ST3GAL3: variants seen among roughly 807,000 people sequenced by gnomAD.
ST3GAL3 encodes the protein CMP-N-acetylneuraminate-beta-1,4-galactoside alpha-2,3-sialyltransferase.
ST3GAL3 carries 21 observed loss-of-function variants against 50.1 expected under a neutral mutation model. The observed-to-expected ratio is 0.42, with a 90% confidence interval of 0.30 to 0.60. ST3GAL3 has a LOEUF of 0.60. ST3GAL3 is among the 20% of genes least tolerant of loss of function. The pLI is 0.19. For missense variants in ST3GAL3, 353 were observed against 489.4 expected (o/e 0.72, Z 2.63); for synonymous variants, 183 against 190.0 (o/e 0.96, Z 0.30).
At chr1:43,894,826 G>C (rs928845740) in intron 6 of ST3GAL3, among the ~76,000 whole-genome samples, 1 of 151,818 alleles carries the variant, frequency 6.6e-6, no homozygotes, top group African/African-American at 2.4e-5. Context: ...GTAGAGACAG[G>C]GTTTTACCAT....
At chr1:43,769,037 A>G (rs2154130283) in intron 2 of ST3GAL3, among the ~76,000 whole-genome samples, 1 of 152,366 alleles carries the variant, frequency 6.6e-6, no homozygotes, top group East Asian at 1.9e-4. Context: ...TATAAAAAAG[A>G]TAATAGATCA....
chr1:43,730,724 C>T (rs549330766), intron 1 of ST3GAL3, among the ~76,000 whole-genome samples: 3 of 152,026 alleles, frequency 2.0e-5, no homozygotes, highest in Non-Finnish European at 2.9e-5. Context: ...GCCCATGCCA[C>T]CATGCCTGGC....
chr1:43,902,615 G>A (rs2078477720), intron 9 of ST3GAL3, among the ~76,000 whole-genome samples: 1 of 152,224 alleles, frequency 6.6e-6, no homozygotes, highest in African/African-American at 2.4e-5. Flanking sequence ...CCGTGGCCAA[G>A]CCAGCAAGCA....
chr1:43,859,737 G>A (rs3011227), intron 5 of ST3GAL3, among the ~76,000 whole-genome samples: 122,434 of 152,130 alleles, frequency 0.8, 50,457 homozygotes, highest in East Asian at 0.91. Context: ...GCATGTGCTT[G>A]AGGCCTGAGC....
At chr1:43,765,982 TGCTTGAAGAAAGAA>T (rs1692795822) in intron 2 of ST3GAL3, among the ~76,000 whole-genome samples, 1 of 152,104 alleles carries the variant, frequency 6.6e-6, no homozygotes, top group Non-Finnish European at 1.5e-5. Context: ...AGCTTCTCTG[TGCTTGAAGAAAGAA>T]GCTTGAAGAG....
chr1:43,904,308 A>C (rs995149979), intron 9 of ST3GAL3, among the ~76,000 whole-genome samples: 1 of 152,110 alleles, frequency 6.6e-6, no homozygotes, highest in African/African-American at 2.4e-5. Context: ...TTCAAGCCTG[A>C]GAGGGATGCA....
intron 5 of ST3GAL3, chr1:43,841,105 C>T (rs1013442631): frequency 9.8e-5 from 15 of 152,310 alleles, no homozygotes; most frequent in African/African-American, 3.6e-4. Context: ...CAGCTCCGCC[C>T]CTGTGGCTTT....
chr1:43,757,786 A>C (rs1688668905), intron 2 of ST3GAL3, among the ~76,000 whole-genome samples: 1 of 152,220 alleles, frequency 6.6e-6, no homozygotes, highest in Non-Finnish European at 1.5e-5. Flanking sequence ...ATTGAACTTT[A>C]TCAAAAGTAA....
At chr1:43,777,730 T>C (rs1422196641) in intron 2 of ST3GAL3, among the ~76,000 whole-genome samples, 2 of 152,180 alleles carry the variant, frequency 1.3e-5, no homozygotes, top group Admixed American at 1.3e-4. Flanking sequence ...CCAAAAGCAA[T>C]TGCAACAAAA....
At chr1:43,832,922 G>A (rs556171421) in intron 4 of ST3GAL3, among the ~76,000 whole-genome samples, 2 of 152,232 alleles carry the variant, frequency 1.3e-5, no homozygotes, top group Admixed American at 6.5e-5. Flanking sequence ...TCATCTGCAC[G>A]CTCATGCATG....
In ST3GAL3 at chr1:43,737,020, T is replaced by C. The variant is rs141468032; in HGVS notation, c.118+640T>C. 7.9e-4 allele frequency: 136 copies of C among 172,406 alleles called. No homozygotes were observed. Among genetic ancestry groups the C allele is most frequent in the African/African-American group, 3.2e-3 (133 of 41,516 alleles). The allele number at this position is 172,406 out of a possible 1,614,324, so 10.7% of individuals were successfully genotyped here. A position where few individuals can be genotyped will look rare whatever the true frequency, so the allele number is the denominator to read the frequency against. On this transcript the variant is annotated intron_variant, in intron 2 of 11. Transcript: ENST00000347631. This position sits in a 1 kb window ranked among gnomAD's most constrained non-coding sequence, Gnocchi z 4.0. ...TGGTTTGGTTTCTGTTTACCTGATG[T>C]GGCCTGTGTTTTGGTTCTAGGCTTG... is the stretch of plus-strand genomic sequence containing the variant.
intron 3 of ST3GAL3, among the ~76,000 whole-genome samples, chr1:43,802,664 A>T (rs997828694): frequency 1.3e-4 from 20 of 152,262 alleles, no homozygotes; most frequent in Admixed American, 6.5e-5. Flanking sequence ...ACTCTGCTCC[A>T]TGAGTTTTTC....
intron 2 of ST3GAL3, among the ~76,000 whole-genome samples, chr1:43,747,304 C>T (rs1190272638): frequency 2.0e-5 from 3 of 151,812 alleles, no homozygotes; most frequent in Non-Finnish European, 2.9e-5. Flanking sequence ...CCCAGCTACT[C>T]GGGAGGCTGA....
chr1:43,733,273 C>A (rs929251086), intron 1 of ST3GAL3, among the ~76,000 whole-genome samples: 2 of 152,130 alleles, frequency 1.3e-5, no homozygotes, highest in Non-Finnish European at 2.9e-5. Flanking sequence ...GTCTGAGCTG[C>A]CATGCTAGGC....
intron 5 of ST3GAL3, among the ~76,000 whole-genome samples, chr1:43,891,169 A>G (rs554749360): frequency 6.6e-6 from 1 of 152,334 alleles, no homozygotes; most frequent in South Asian, 2.1e-4. Flanking sequence ...ATCTTTTCAT[A>G]CAAGAAAGCC....
chr1:43,761,614 T>G (rs894573268), intron 2 of ST3GAL3, among the ~76,000 whole-genome samples: 1 of 151,960 alleles, frequency 6.6e-6, no homozygotes, highest in African/African-American at 2.4e-5. Flanking sequence ...TGGGGTTCAT[T>G]ATACTATTCT....
At chr1:43,818,065 T>A (rs1359456384) in intron 4 of ST3GAL3, among the ~76,000 whole-genome samples, 1 of 152,100 alleles carries the variant, frequency 6.6e-6, no homozygotes, top group Non-Finnish European at 1.5e-5. Context: ...ATAAATTTCA[T>A]ATGTTTTGGA....
intron 9 of ST3GAL3, among the ~76,000 whole-genome samples, chr1:43,918,136 A>C (rs866020348): frequency 1.7e-4 from 2 of 11,584 alleles, no homozygotes; most frequent in Non-Finnish European, 4.2e-4. Context: ...TTTTTTTTTA[A>C]GAGAGGGTCT....
At chr1:43,729,631 C>A (rs11210909) in intron 1 of ST3GAL3, among the ~76,000 whole-genome samples, 47,704 of 151,998 alleles carry the variant, frequency 0.31, 9,150 homozygotes, top group East Asian at 0.49. Context: ...CTCCCTAAAG[C>A]CTACTGGTTT....
Sources: gnomAD v4.1 joint callset for allele counts (sites outside exome capture counted in the v4.1 genomes callset) on GRCh38, gnomAD v4.1.1 for gene constraint, Gnocchi (gnomAD v3.1) non-coding constraint, MANE v1.5 for transcripts, NCBI Gene and HGNC (gene_info 2026-07-23, HGNC 2026-07-21) for gene names.